BTBD9: variants seen among roughly 807,000 people sequenced by gnomAD.
The protein encoded by BTBD9 is BTB/POZ domain-containing protein 9.
A neutral mutation model predicts 64.3 loss-of-function variants in BTBD9; 49 were observed. The ratio of observed to expected loss-of-function variants is 0.76; its 90% CI spans 0.61 to 0.97. The LOEUF (loss-of-function observed/expected upper bound fraction) is 0.97. Among genes scored for constraint, BTBD9 ranks in the 50% least tolerant of loss-of-function variants. BTBD9 has a pLI of 0.00. For synonymous variants in BTBD9, 260 were observed against 274.7 expected (o/e 0.95, Z 0.53); for missense variants, 598 against 762.1 (o/e 0.78, Z 2.53).
At chr6:38,604,399 G>T (rs1777355105) in intron 1 of BTBD9, among the ~76,000 whole-genome samples, 1 of 152,146 alleles carries the variant, frequency 6.6e-6, no homozygotes, top group South Asian at 2.1e-4. Flanking sequence ...TTAACACATT[G>T]ATTCTCCACT....
At chr6:38,502,242 G>A (rs1772240862) in intron 6 of BTBD9, among the ~76,000 whole-genome samples, 1 of 152,164 alleles carries the variant, frequency 6.6e-6, no homozygotes, top group South Asian at 2.1e-4. Context: ...ACCTAAAGAA[G>A]TCTTTCAGAG....
At chr6:38,399,683 T>C (rs1370408724) in intron 6 of BTBD9, among the ~76,000 whole-genome samples, 1 of 152,168 alleles carries the variant, frequency 6.6e-6, no homozygotes, top group Non-Finnish European at 1.5e-5. Context: ...AAGGCTGTAT[T>C]TCCCAAAGTC....
At chr6:38,590,686 G>A (rs1001371437) in intron 4 of BTBD9, among the ~76,000 whole-genome samples, 1 of 152,212 alleles carries the variant, frequency 6.6e-6, no homozygotes, top group Non-Finnish European at 1.5e-5. Context: ...AAGAAGTACT[G>A]TACTGTATTT....
At chr6:38,427,092 G>A (rs1178895267) in intron 6 of BTBD9, among the ~76,000 whole-genome samples, 1 of 151,376 alleles carries the variant, frequency 6.6e-6, no homozygotes, top group Non-Finnish European at 1.5e-5. Flanking sequence ...CCATTCTCCT[G>A]GACAAATAAC....
intron 6 of BTBD9, among the ~76,000 whole-genome samples, chr6:38,509,257 A>G (rs1312393063): frequency 3.3e-5 from 5 of 152,240 alleles, no homozygotes; most frequent in Admixed American, 2.6e-4. Flanking sequence ...CACAAGGGTA[A>G]AAGGACATAT....
intron 6 of BTBD9, among the ~76,000 whole-genome samples, chr6:38,402,222 T>C (rs1766959402): frequency 6.6e-6 from 1 of 152,188 alleles, no homozygotes; most frequent in Admixed American, 6.5e-5. Context: ...AGACATTCTG[T>C]GTTCATGGAT....
intron 6 of BTBD9, among the ~76,000 whole-genome samples, chr6:38,552,999 C>T (rs1221734325): frequency 6.6e-6 from 1 of 152,202 alleles, no homozygotes; most frequent in Non-Finnish European, 1.5e-5. Flanking sequence ...CTTCTGTACA[C>T]ATTTTTTTCT....
At chr6:38,197,834 G>A (rs1762315526) in intron 9 of BTBD9, among the ~76,000 whole-genome samples, 1 of 152,190 alleles carries the variant, frequency 6.6e-6, no homozygotes, top group Non-Finnish European at 1.5e-5. Flanking sequence ...TACAATATGG[G>A]ATTACACACA....
chr6:38,432,187 T>G lies in BTBD9; in HGVS notation c.1155-87094A>C, dbSNP rs572164975. The stretch of plus-strand genomic sequence containing the variant: ...TGCTTTTCACCATGTTATGATGTGG[T>G]AAAAAAGCCCTTGCCAGAAGCTGCC... On this transcript the variant is annotated intron_variant, in intron 6 of 10. Coordinates refer to ENST00000481247, the MANE Select transcript of BTBD9 (RefSeq NM_001099272.2). 5.3e-5 allele frequency among the ~76,000 whole-genome samples: 8 copies of G among 152,070 alleles called. 1 individual carries two copies. The highest frequency in any genetic ancestry group is 1.9e-4 in the African/African-American group (8 of 41,366).
chr6:38,261,670 A>G (rs2127538262), intron 8 of BTBD9, among the ~76,000 whole-genome samples: 1 of 152,336 alleles, frequency 6.6e-6, no homozygotes, highest in Admixed American at 6.5e-5. Flanking sequence ...AATTTTTATT[A>G]GCCTAGTCTA....
intron 6 of BTBD9, among the ~76,000 whole-genome samples, chr6:38,571,009 C>T (rs1364514005): frequency 6.6e-6 from 1 of 152,148 alleles, no homozygotes; most frequent in Non-Finnish European, 1.5e-5. Context: ...GAAAATGTTC[C>T]TCTATGAGGG....
At chr6:38,290,046 T>G (rs1471827311) in intron 7 of BTBD9, among the ~76,000 whole-genome samples, 1 of 151,730 alleles carries the variant, frequency 6.6e-6, no homozygotes, top group Non-Finnish European at 1.5e-5. Context: ...ATATCTTCTA[T>G]GCAACTCATT....
chr6:38,503,845 T>C (rs1255795723), intron 6 of BTBD9, among the ~76,000 whole-genome samples: 1 of 152,214 alleles, frequency 6.6e-6, no homozygotes, highest in Non-Finnish European at 1.5e-5. Context: ...TTCAAATCCA[T>C]GGGCAACTCC....
chr6:38,286,799 T>C (rs1420293498), intron 8 of BTBD9, among the ~76,000 whole-genome samples: 1 of 152,078 alleles, frequency 6.6e-6, no homozygotes, highest in Non-Finnish European at 1.5e-5. Context: ...AATTTAGTGT[T>C]GGCTGGGCGC....
At chr6:38,358,832 C>T (rs892496563) in intron 6 of BTBD9, among the ~76,000 whole-genome samples, 4 of 150,420 alleles carry the variant, frequency 2.7e-5, no homozygotes, top group African/African-American at 7.4e-5. Context: ...ACTGCAGTGG[C>T]GCAATCTCGG....
intron 6 of BTBD9, among the ~76,000 whole-genome samples, chr6:38,402,607 G>A (rs1429232916): frequency 6.6e-6 from 1 of 152,192 alleles, no homozygotes; most frequent in Non-Finnish European, 1.5e-5. Context: ...ACAACTGGAT[G>A]TCCAATACAA....
At chr6:38,596,041 A>C (rs987132585) in intron 2 of BTBD9, 1 of 985,300 alleles carries the variant, frequency 1.0e-6, no homozygotes, top group Non-Finnish European at 1.2e-6. Context: ...TTTACTATGA[A>C]GTTTCCTCCT....
chr6:38,354,860 C>T (rs1200713784), intron 6 of BTBD9, among the ~76,000 whole-genome samples: 8 of 151,832 alleles, frequency 5.3e-5, no homozygotes, highest in Admixed American at 5.3e-4. Context: ...GAGGAAAATG[C>T]TCACCACAGC....
chr6:38,433,292 A>G (rs1233684696), intron 6 of BTBD9, among the ~76,000 whole-genome samples: 1 of 151,938 alleles, frequency 6.6e-6, no homozygotes, highest in Non-Finnish European at 1.5e-5. Context: ...CCAACTCAAA[A>G]GTTTCTCATC....
Sources: gnomAD v4.1 joint callset for allele counts (sites outside exome capture counted in the v4.1 genomes callset) on GRCh38, gnomAD v4.1.1 for gene constraint, MANE v1.5 for transcripts, NCBI Gene and HGNC (gene_info 2026-07-23, HGNC 2026-07-21) for gene names.